ATP11C: variants seen among roughly 807,000 people sequenced by gnomAD.
ATP11C encodes the protein ATPase phospholipid transporting 11C (ATP11C blood group), also known as phospholipid-transporting ATPase IG.
ATP11C carries 36 observed loss-of-function variants against 97.4 expected under a neutral mutation model. The ratio of observed to expected loss-of-function variants is 0.37; its 90% CI spans 0.28 to 0.49. The LOEUF (loss-of-function observed/expected upper bound fraction) is 0.49. Among genes scored for constraint, ATP11C ranks in the 20% least tolerant of loss-of-function variants. ATP11C has a pLI of 0.98. For missense variants in ATP11C, 730 were observed against 824.6 expected (o/e 0.89, Z 1.40); for synonymous variants, 275 against 290.9 (o/e 0.95, Z 0.56).
At chrX:139,865,995 A>T (rs751135763) in intron 1 of ATP11C, among the ~76,000 whole-genome samples, 1 of 111,274 alleles carries the variant, frequency 9.0e-6, no homozygotes, top group African/African-American at 3.3e-5. Flanking sequence ...TAATCTTGTA[A>T]TATGTTATAC....
At chrX:139,863,482 G>A (rs970362567) in intron 1 of ATP11C, among the ~76,000 whole-genome samples, 3 of 111,317 alleles carry the variant, frequency 2.7e-5, no homozygotes, top group South Asian at 3.8e-4. Context: ...GCAGTGAGCC[G>A]AGACTGGGCC....
chrX:139,830,307 A>T (rs919352009), intron 1 of ATP11C, among the ~76,000 whole-genome samples: 2 of 112,088 alleles, frequency 1.8e-5, no homozygotes, highest in Non-Finnish European at 3.8e-5. Flanking sequence ...GACTCTTTCA[A>T]ACAGTGATCG....
chrX:139,750,059 T>C lies in ATP11C; in HGVS notation c.2794A>G (p.Ile932Val). 8.3e-7 allele frequency: 1 copy of C among 1,204,591 alleles called. No homozygotes were observed. The highest frequency in any genetic ancestry group is 1.1e-6 in the Non-Finnish European group (1 of 890,278). ...CGGGGATCTGAGGTCAGAGTGTCAATGTTGATGTGCTGTTCCAGTAGACTA... is the reference window on the plus strand; with the variant it reads ...CGGGGATCTGAGGTCAGAGTGTCAACGTTGATGTGCTGTTCCAGTAGACTA... ...AYSLLEQHIN[I>V]DTLTSDPRLY... Residue 932 changes from isoleucine (I) to valine (V), a missense_variant, in exon 24 of 30, where the codon ATT becomes GTT. Physicochemically the swap from Ile to Val is conservative, Grantham distance 29. Coordinates refer to ENST00000682941, the MANE Select transcript of ATP11C (RefSeq NM_001353812.2).
Position 139,901,335 on chromosome X carries a change from T to C in ATP11C, c.27+30681A>G, listed in dbSNP as rs1389473250. Among the ~76,000 whole-genome samples the C allele has an allele frequency of 2.7e-5, 3 of 112,009 alleles. No individual in the cohort carries two copies. The East Asian group carries it at 8.5e-4, about 32-fold the overall frequency. ...TGTGTGCTCCCTTGAAGTGGCCACCTGGGCCCATGAAATGAGTGGATATGG... is the reference window on the plus strand; with the variant it reads ...TGTGTGCTCCCTTGAAGTGGCCACCCGGGCCCATGAAATGAGTGGATATGG... On this transcript the variant is annotated intron_variant, in intron 1 of 29. Transcript: ENST00000682941.
At chrX:139,812,818 T>A (rs1386787609) in intron 5 of ATP11C, among the ~76,000 whole-genome samples, 1 of 112,170 alleles carries the variant, frequency 8.9e-6, no homozygotes, top group Non-Finnish European at 1.9e-5. Context: ...CTGTACTCAG[T>A]CTGCCTTTGG....
rs1230789155 is a variant in ATP11C at position 139,932,990 on chromosome X, T to A, written c.-948A>T. ...CCTCCTCTCAGTCTTTCTCTCGTCC[T>A]GCCTGCCCACCTAAGCCTTCTTACT... On this transcript the variant is annotated 5_prime_UTR_variant, in exon 1 of 30. Coordinates refer to ENST00000682941, the MANE Select transcript of ATP11C (RefSeq NM_001353812.2). The A allele has an allele frequency of 8.9e-6, 1 of 112,705 alleles. No homozygotes were observed. Among genetic ancestry groups the A allele is most frequent in the Non-Finnish European group, 1.9e-5 (1 of 53,341 alleles). 9.3% of individuals were successfully genotyped at this position (112,705 alleles called of 1,213,427 possible).
At chrX:139,923,013 T>C (rs936621420) in intron 1 of ATP11C, among the ~76,000 whole-genome samples, 12 of 111,718 alleles carry the variant, frequency 1.1e-4, no homozygotes, top group Non-Finnish European at 2.1e-4. Context: ...TTTGAACTCC[T>C]GACCTCAAAT....
intron 1 of ATP11C, 63 bp from the exon 2 acceptor site, chrX:139,826,886 C>A: frequency 9.0e-7 from 1 of 1,110,987 alleles, no homozygotes; most frequent in Non-Finnish European, 1.2e-6. Context: ...TTCTACCAAG[C>A]CCATAATTCT....
At chrX:139,868,814 A>C (rs1361494623) in intron 1 of ATP11C, among the ~76,000 whole-genome samples, 1 of 111,977 alleles carries the variant, frequency 8.9e-6, no homozygotes. Context: ...AAAGGAACTG[A>C]ATAGACACTT....
At chrX:139,786,364 T>C (rs889281787) in intron 15 of ATP11C, among the ~76,000 whole-genome samples, 7 of 111,796 alleles carry the variant, frequency 6.3e-5, no homozygotes, top group Admixed American at 9.5e-5. Flanking sequence ...ACATGGCATC[T>C]GGTTTGCTGT....
intron 1 of ATP11C, among the ~76,000 whole-genome samples, chrX:139,859,510 T>C (rs923415037): frequency 9.8e-5 from 11 of 111,983 alleles, no homozygotes; most frequent in Non-Finnish European, 1.7e-4. Flanking sequence ...GAACTTTCCA[T>C]CAGGATTAGA....
At chrX:139,841,883 A>C (rs187612184) in intron 1 of ATP11C, among the ~76,000 whole-genome samples, 2 of 112,352 alleles carry the variant, frequency 1.8e-5, no homozygotes, top group Non-Finnish European at 3.8e-5. Context: ...TCCCTAAGGA[A>C]AGTTATTTCT....
chrX:139,789,980 A>G (rs957146979), intron 12 of ATP11C, among the ~76,000 whole-genome samples: 1 of 109,741 alleles, frequency 9.1e-6, no homozygotes, highest in Admixed American at 9.7e-5. Context: ...CAGTGAGCTG[A>G]GATCACATCA....
At chrX:139,927,793 G>GT (rs2085375829) in intron 1 of ATP11C, among the ~76,000 whole-genome samples, 1 of 110,579 alleles carries the variant, frequency 9.0e-6, no homozygotes, top group Non-Finnish European at 1.9e-5. Context: ...GGCATTAGAT[G>GT]TATTTATTCT....
Position 139,745,761 on chromosome X carries a change from G to GT in ATP11C, c.2924dup (p.Tyr975Ter). ...CTAGGGATGCAGTCTGAAAAAGAAA[G>GT]TAAGTCCCAAAGAAGAACACTGTCC... Reference protein sequence around the residue: ...FEGTVFFFGTYFLFQTASLEE... With the variant: ...FEGTVFFFGT Residue 975 changes from tyrosine (Y) to a stop codon, truncating the protein, a stop_gained and frameshift_variant, in exon 25 of 30, where the codon TAC becomes TAAC. Transcript: ENST00000682941. LOFTEE classifies it high-confidence loss of function. 1 of 1,208,192 alleles carries GT rather than the reference G, an allele frequency of 8.3e-7. No individual in the cohort carries two copies. The highest frequency in any genetic ancestry group is 1.1e-6 in the Non-Finnish European group (1 of 893,632).
intron 28 of ATP11C, among the ~76,000 whole-genome samples, chrX:139,733,800 T>A (rs762155241): frequency 2.7e-5 from 3 of 111,770 alleles, no homozygotes; most frequent in Non-Finnish European, 5.7e-5. Flanking sequence ...AACACTTGTA[T>A]CCAACCATCG....
At chrX:139,892,377 G>A (rs1389105235) in intron 1 of ATP11C, among the ~76,000 whole-genome samples, 2 of 111,277 alleles carry the variant, frequency 1.8e-5, no homozygotes, top group African/African-American at 6.5e-5. Flanking sequence ...GGTGAGCAGT[G>A]AGCATGAGGA....
intron 1 of ATP11C, among the ~76,000 whole-genome samples, chrX:139,917,894 T>C (rs1483296116): frequency 1.0e-5 from 1 of 96,653 alleles, no homozygotes; most frequent in African/African-American, 4.0e-5. Context: ...AAGCAGAGAT[T>C]GCAGTGAGCA....
At chrX:139,850,608 A>G (rs949693827) in intron 1 of ATP11C, among the ~76,000 whole-genome samples, 4 of 111,873 alleles carry the variant, frequency 3.6e-5, no homozygotes, top group Non-Finnish European at 7.5e-5. Context: ...GATGAAATTT[A>G]CAATTTAAAA....
Sources: gnomAD v4.1 joint callset for allele counts (sites outside exome capture counted in the v4.1 genomes callset) on GRCh38, gnomAD v4.1.1 for gene constraint, MANE v1.5 for transcripts, NCBI Gene and HGNC (gene_info 2026-07-23, HGNC 2026-07-21) for gene names.